Variants in BMP6 observed in about 807,000 individuals in gnomAD.
BMP6 encodes bone morphogenetic protein 6.
BMP6 carries 17 observed loss-of-function variants against 54.1 expected under a neutral mutation model. The observed-to-expected ratio is 0.31, with a 90% CI of 0.22 to 0.47. The LOEUF is 0.47. Ranked by LOEUF, BMP6 falls within the 20% of genes least tolerant of loss-of-function variation. The pLI, the probability that BMP6 is intolerant of heterozygous loss-of-function variation, is 1.00. For synonymous variants in BMP6, 328 were observed against 291.2 expected (o/e 1.13, Z -1.28); for missense variants, 720 against 690.4 (o/e 1.04, Z -0.48).
intron 1 of BMP6, among the ~76,000 whole-genome samples, chr6:7,832,910 C>A (rs1009607840): frequency 3.3e-5 from 5 of 151,380 alleles, no homozygotes; most frequent in African/African-American, 1.2e-4. Context: ...TTAAGACCTT[C>A]AAAGGTAGAG....
chr6:7,727,059 C>T lies in BMP6; in HGVS notation c.104C>T (p.Ala35Val). Residue 35 changes from alanine to valine, a missense_variant, in exon 1 of 7, where the codon GCG (alanine) becomes GTG (valine). This residue lies in a region of BMP6 where 650 missense variants were observed against 556.3 expected (regional missense o/e 1.17). Coordinates refer to ENST00000283147, the MANE Select transcript of BMP6 (RefSeq NM_001718.6). ...CTGCGGCCGCCCTTGCCCGCTGCCG[C>T]GGCCGCCGCCGCCGGGGGGCAGCTG... ...PPLRPPLPAA[A>V]AAAAGGQLLG... The T allele has an allele frequency of 6.7e-6, 8 of 1,197,574 alleles. No individual in the cohort carries two copies. Among genetic ancestry groups the T allele is most frequent in the Non-Finnish European group, 7.2e-6 (7 of 967,332 alleles). The allele number at this position is 1,197,574 out of a possible 1,614,324, so 74.2% of individuals were successfully genotyped here. A position where few individuals can be genotyped will look rare whatever the true frequency, so the allele number is the denominator to read the frequency against.
At chr6:7,787,630 T>C (rs1451673703) in intron 1 of BMP6, among the ~76,000 whole-genome samples, 3 of 152,200 alleles carry the variant, frequency 2.0e-5, no homozygotes, top group African/African-American at 7.2e-5. Flanking sequence ...TTGGCCACTT[T>C]TTCTTAGCCG....
intron 1 of BMP6, among the ~76,000 whole-genome samples, chr6:7,817,200 T>G (rs198354): frequency 6.6e-6 from 1 of 151,876 alleles, no homozygotes; most frequent in Non-Finnish European, 1.5e-5. Context: ...TGAGAAAAAA[T>G]AGGCATATGC....
chr6:7,792,818 C>G (rs1165870185), intron 1 of BMP6, among the ~76,000 whole-genome samples: 1 of 152,190 alleles, frequency 6.6e-6, no homozygotes, highest in African/African-American at 2.4e-5. Context: ...TCAGCCATAG[C>G]AGACAAACTG....
At chr6:7,781,788 C>T (rs1168161021) in intron 1 of BMP6, among the ~76,000 whole-genome samples, 3 of 151,526 alleles carry the variant, frequency 2.0e-5, no homozygotes, top group Non-Finnish European at 3.0e-5. Context: ...TTTCCTGGAA[C>T]AAATGGCGCT....
At chr6:7,787,627 C>T (rs1758039259) in intron 1 of BMP6, among the ~76,000 whole-genome samples, 3 of 152,224 alleles carry the variant, frequency 2.0e-5, no homozygotes, top group African/African-American at 4.8e-5. Context: ...TACTTGGCCA[C>T]TTTTTCTTAG....
chr6:7,862,429 C>T lies in BMP6; in HGVS notation c.1135C>T (p.Arg379Trp), dbSNP rs146521461. 3.9e-5 allele frequency: 63 copies of T among 1,614,200 alleles called. No homozygotes were observed. Among genetic ancestry groups the T allele is most frequent in the African/African-American group, 1.3e-4 (10 of 75,060 alleles). Residue 379 changes from arginine to tryptophan, a missense_variant, in exon 4 of 7, where the codon CGG (arginine) becomes TGG (tryptophan). Around this residue, in one of 3 missense-constraint regions of BMP6, gnomAD observed 650 missense variants for 556.3 expected, o/e 1.17. Coordinates refer to ENST00000283147, the MANE Select transcript of BMP6 (RefSeq NM_001718.6). The stretch of plus-strand genomic sequence containing the variant: ...GCGCACCACCAGGTCAGCCTCCAGC[C>T]GGCGCCGACAACAGAGTCGTAATCG... ...HVRTTRSASS[R>W]RRQQSRNRST...
chr6:7,727,824 T>A (rs1472219315), intron 1 of BMP6, among the ~76,000 whole-genome samples: 3 of 151,310 alleles, frequency 2.0e-5, no homozygotes, highest in African/African-American at 7.3e-5. Context: ...CGGGCAGGGC[T>A]GCGCGCCGAG....
At chr6:7,793,791 G>T (rs1422284528) in intron 1 of BMP6, among the ~76,000 whole-genome samples, 2 of 152,192 alleles carry the variant, frequency 1.3e-5, no homozygotes, top group Non-Finnish European at 2.9e-5. Flanking sequence ...AGTGAGAGGC[G>T]TGTGACCATC....
At position 7,842,918 on chromosome 6, in the gene BMP6, C is replaced by G. The variant is rs142130754; in HGVS notation, c.665-2222C>G. 9.7e-3 allele frequency among the ~76,000 whole-genome samples: 1,470 copies of G among 152,304 alleles called. 12 individuals carry two copies. The highest frequency in any genetic ancestry group is 0.02 in the Middle Eastern group (6 of 294). On this transcript the variant is annotated intron_variant, in intron 1 of 6. Transcript: ENST00000283147. ...CCAGCGAATCTTAAAATATTATTTT[C>G]ATTTAGTAATATTACAATTAGGCCT...
In BMP6 at chr6:7,880,407, A is replaced by G; in HGVS notation, c.*64A>G. The G allele has an allele frequency of 6.3e-7, 1 of 1,597,300 alleles. No homozygotes were observed. The highest frequency in any genetic ancestry group is 8.6e-7 in the Non-Finnish European group (1 of 1,167,410). On this transcript the variant is annotated 3_prime_UTR_variant, in exon 7 of 7. Coordinates refer to ENST00000283147, the MANE Select transcript of BMP6 (RefSeq NM_001718.6). ...ATTCCTAGATTACATCTGCCTTAAA[A>G]AAACACGGAAGCACAGTTGGAGGTG...
chr6:7,822,941 G>GTGTGTGTA (rs1758638871), intron 1 of BMP6, among the ~76,000 whole-genome samples: 1 of 148,208 alleles, frequency 6.7e-6, no homozygotes, highest in African/African-American at 2.5e-5. Context: ...GTGTGTGTGT[G>GTGTGTGTA]TACACACTGG....
At chr6:7,749,214 G>A (rs1364046935) in intron 1 of BMP6, among the ~76,000 whole-genome samples, 2 of 152,146 alleles carry the variant, frequency 1.3e-5, no homozygotes, top group Admixed American at 6.5e-5. Flanking sequence ...TGCTTAGCTC[G>A]GATTGCCAGT....
intron 1 of BMP6, among the ~76,000 whole-genome samples, chr6:7,811,931 A>G (rs759432246): frequency 2.6e-5 from 4 of 152,242 alleles, no homozygotes; most frequent in African/African-American, 4.8e-5. Context: ...TGAAAAATAT[A>G]TATATGAAAA....
intron 1 of BMP6, among the ~76,000 whole-genome samples, chr6:7,797,875 T>C (rs758303494): frequency 3.3e-5 from 5 of 152,252 alleles, no homozygotes; most frequent in Non-Finnish European, 5.9e-5. Flanking sequence ...AACAATCTTA[T>C]CTGGTAATTT....
intron 1 of BMP6, among the ~76,000 whole-genome samples, chr6:7,784,827 G>A (rs1757998507): frequency 6.6e-6 from 1 of 152,190 alleles, no homozygotes; most frequent in South Asian, 2.1e-4. Context: ...CAAGGAGCTT[G>A]GCAGCCTTCT....
At chr6:7,853,035 C>A (rs1759170491) in intron 2 of BMP6, among the ~76,000 whole-genome samples, 1 of 152,156 alleles carries the variant, frequency 6.6e-6, no homozygotes, top group South Asian at 2.1e-4. Flanking sequence ...TAGGCCGCTA[C>A]CAATTGCTGC....
chr6:7,850,824 C>T (rs1015291036), intron 2 of BMP6, among the ~76,000 whole-genome samples: 1 of 152,206 alleles, frequency 6.6e-6, no homozygotes. Context: ...AAGTAGGTCA[C>T]ATAGACCAGA....
chr6:7,803,648 T>C (rs1758304926), intron 1 of BMP6, among the ~76,000 whole-genome samples: 2 of 152,174 alleles, frequency 1.3e-5, no homozygotes, highest in Non-Finnish European at 2.9e-5. Flanking sequence ...TGCCTCTCTT[T>C]TGTAGTTTTC....
Sources: gnomAD v4.1 joint callset for allele counts (sites outside exome capture counted in the v4.1 genomes callset) on GRCh38, gnomAD v4.1.1 for gene constraint, gnomAD v4.1.1 regional missense constraint, MANE v1.5 for transcripts, NCBI Gene and HGNC (gene_info 2026-07-23, HGNC 2026-07-21) for gene names.